Variants in KCNIP4 observed in about 807,000 individuals in gnomAD.
The protein encoded by KCNIP4 is potassium voltage-gated channel interacting protein 4, also known as Kv channel-interacting protein 4.
KCNIP4 carries 12 observed loss-of-function variants against 34.0 expected under a neutral mutation model. The ratio of observed to expected loss-of-function variants is 0.35; its 90% confidence interval spans 0.23 to 0.57. KCNIP4 has a LOEUF of 0.57. Among genes scored for constraint, KCNIP4 ranks in the 20% least tolerant of loss-of-function variants. The pLI, the probability that KCNIP4 is intolerant of heterozygous loss-of-function variation, is 0.83. For missense variants in KCNIP4, 238 were observed against 311.7 expected (o/e 0.76, Z 1.78); for synonymous variants, 124 against 102.2 (o/e 1.21, Z -1.29).
intron 1 of KCNIP4, among the ~76,000 whole-genome samples, chr4:21,876,639 T>C (rs953981066): frequency 9.2e-5 from 14 of 152,120 alleles, no homozygotes; most frequent in Non-Finnish European, 1.9e-4. Context: ...AAAAAATAAG[T>C]TAAAATAGAT....
chr4:21,934,817 T>G (rs1020166678), intron 1 of KCNIP4, among the ~76,000 whole-genome samples: 9 of 152,142 alleles, frequency 5.9e-5, no homozygotes, highest in African/African-American at 2.2e-4. Context: ...GATGTGTGAC[T>G]TTGGGCAAGT....
chr4:20,987,985 G>A (rs539338178), intron 1 of KCNIP4, among the ~76,000 whole-genome samples: 72 of 70,166 alleles, frequency 1.0e-3, no homozygotes, highest in Admixed American at 2.5e-3. Context: ...TGGGCGACAC[G>A]GCGAGATTCC....
In KCNIP4 at chr4:21,090,105, C is replaced by A. The variant is rs557676207; in HGVS notation, c.62-207396G>T. On this transcript the variant is annotated intron_variant, in intron 1 of 8. Coordinates refer to ENST00000382152, the MANE Select transcript of KCNIP4 (RefSeq NM_025221.6). ...ATTCTGTCACTGCAAATCAGTAGCC[C>A]CTCTCCCCTGCCCATGCCGTTAGAA... 1.8e-4 allele frequency among the ~76,000 whole-genome samples: 27 copies of A among 152,242 alleles called. 1 individual carries two copies.
intron 1 of KCNIP4, among the ~76,000 whole-genome samples, chr4:21,449,005 T>C (rs1044586387): frequency 2.6e-5 from 4 of 152,200 alleles, no homozygotes; most frequent in Non-Finnish European, 5.9e-5. Flanking sequence ...AAATGACTAC[T>C]CAGCTGCAAA....
At chr4:21,563,307 C>T (rs951748922) in intron 1 of KCNIP4, among the ~76,000 whole-genome samples, 1 of 152,042 alleles carries the variant, frequency 6.6e-6, no homozygotes, top group Non-Finnish European at 1.5e-5. Context: ...TCTCCAAAAA[C>T]ATGATGATGG....
intron 1 of KCNIP4, among the ~76,000 whole-genome samples, chr4:21,353,125 C>A (rs1390086895): frequency 1.3e-5 from 2 of 152,098 alleles, no homozygotes; most frequent in African/African-American, 4.8e-5. Context: ...GACATCCAAC[C>A]AAAACCCCAT....
chr4:21,378,193 T>C (rs182506831), intron 1 of KCNIP4, among the ~76,000 whole-genome samples: 11 of 152,342 alleles, frequency 7.2e-5, no homozygotes, highest in African/African-American at 2.4e-4. Flanking sequence ...CCTAGTGGAA[T>C]ACTCACATTG....
At chr4:20,867,347 A>T (rs1348044561) in intron 2 of KCNIP4, among the ~76,000 whole-genome samples, 1 of 152,120 alleles carries the variant, frequency 6.6e-6, no homozygotes, top group Non-Finnish European at 1.5e-5. Context: ...ATGAAACAGA[A>T]TAGAAAACCC....
At chr4:20,861,826 A>G (rs1157196688) in intron 2 of KCNIP4, among the ~76,000 whole-genome samples, 1 of 152,118 alleles carries the variant, frequency 6.6e-6, no homozygotes, top group Non-Finnish European at 1.5e-5. Flanking sequence ...CACTTATGAA[A>G]TAGATTGTCT....
intron 1 of KCNIP4, among the ~76,000 whole-genome samples, chr4:21,330,721 G>T (rs1427088932): frequency 6.6e-6 from 1 of 152,120 alleles, no homozygotes; most frequent in Non-Finnish European, 1.5e-5. Flanking sequence ...TCAAACATAA[G>T]AAGCAGTGCC....
chr4:21,854,427 T>C lies in KCNIP4; in HGVS notation c.61+94144A>G, dbSNP rs111802461. 7.9e-3 allele frequency among the ~76,000 whole-genome samples: 1,202 copies of C among 152,324 alleles called. 16 individuals carry two copies. The highest frequency in any genetic ancestry group is 0.027 in the African/African-American group (1,137 of 41,558). ...TGCAGAGCAGAGTTTTTACTTTTTT[T>C]TCCATCAATGTTATATTTAACTTAA... On this transcript the variant is annotated intron_variant, in intron 1 of 8. Coordinates refer to ENST00000382152, the MANE Select transcript of KCNIP4 (RefSeq NM_025221.6).
intron 1 of KCNIP4, among the ~76,000 whole-genome samples, chr4:21,118,057 A>G (rs1337351115): frequency 6.6e-6 from 1 of 152,140 alleles, no homozygotes; most frequent in African/African-American, 2.4e-5. Flanking sequence ...GGCATGTGGA[A>G]CAAGATGAGT....
intron 3 of KCNIP4, among the ~76,000 whole-genome samples, chr4:20,791,301 T>G (rs1309814448): frequency 6.6e-6 from 1 of 152,074 alleles, no homozygotes; most frequent in Non-Finnish European, 1.5e-5. Flanking sequence ...TTGAAAAAAG[T>G]CATTCAAGCA....
Position 21,723,903 on chromosome 4 carries a change from C to G in KCNIP4, c.61+224668G>C, listed in dbSNP as rs1577904640. Among the ~76,000 whole-genome samples the G allele has an allele frequency of 2.6e-5, 4 of 151,998 alleles. 1 individual carries two copies. The South Asian group carries it at 8.3e-4, about 31-fold the overall frequency. On this transcript the variant is annotated intron_variant, in intron 1 of 8. Transcript: ENST00000382152. ...CATTAAGGCCTCACAGGGTCATGATCATTTTATAATCTTTAGGAAAAGAGC... is the reference window on the plus strand; with the variant it reads ...CATTAAGGCCTCACAGGGTCATGATGATTTTATAATCTTTAGGAAAAGAGC...
At chr4:20,985,934 C>T (rs1302286139) in intron 1 of KCNIP4, among the ~76,000 whole-genome samples, 1 of 152,130 alleles carries the variant, frequency 6.6e-6, no homozygotes, top group Non-Finnish European at 1.5e-5. Flanking sequence ...TTGCTTGCTC[C>T]ATGACCTTGA....
At chr4:21,252,253 G>A (rs1843351) in intron 1 of KCNIP4, among the ~76,000 whole-genome samples, 14 of 150,752 alleles carry the variant, frequency 9.3e-5, no homozygotes, top group East Asian at 6.0e-4. Context: ...TCAGCCTCCC[G>A]AGTAGCCAGG....
intron 1 of KCNIP4, among the ~76,000 whole-genome samples, chr4:21,306,833 TTC>T (rs1238430198): frequency 6.6e-6 from 1 of 151,978 alleles, no homozygotes; most frequent in Non-Finnish European, 1.5e-5. Flanking sequence ...TTTTTTTTTT[TTC>T]TTGAGATGGT....
rs189225784 is a variant in KCNIP4 at position 21,403,565 on chromosome 4, A to C, written c.62-520856T>G. Among the ~76,000 whole-genome samples, 5 of 152,336 alleles carry C rather than the reference A, an allele frequency of 3.3e-5. No individual in the cohort carries two copies. In the East Asian group the frequency reaches 5.8e-4, roughly 18 times the overall value. ...ATCTAGAATAAAATTTAAAATTTCCACATGATCCACTCTGCATCATCTCTA... is the reference window on the plus strand; with the variant it reads ...ATCTAGAATAAAATTTAAAATTTCCCCATGATCCACTCTGCATCATCTCTA... On this transcript the variant is annotated intron_variant, in intron 1 of 8. Transcript: ENST00000382152.
At chr4:21,830,427 C>A (rs1373270952) in intron 1 of KCNIP4, among the ~76,000 whole-genome samples, 2 of 152,064 alleles carry the variant, frequency 1.3e-5, no homozygotes, top group African/African-American at 4.8e-5. Context: ...GCAATCCAAG[C>A]ACTTTGGGAG....
Sources: gnomAD v4.1 joint callset for allele counts (sites outside exome capture counted in the v4.1 genomes callset) on GRCh38, gnomAD v4.1.1 for gene constraint, MANE v1.5 for transcripts, NCBI Gene and HGNC (gene_info 2026-07-23, HGNC 2026-07-21) for gene names.